The following FRMD6 variants were observed in gnomAD, a reference collection of about 807,000 sequenced individuals.
FRMD6 encodes FERM domain-containing protein 6.
In FRMD6, 37 loss-of-function variants were observed where a neutral mutation model predicts 73.2. That is an observed-to-expected ratio of 0.51 (90% CI 0.39 to 0.66). The LOEUF (loss-of-function observed/expected upper bound fraction) is 0.66. Among genes scored for constraint, FRMD6 ranks in the 30% least tolerant of loss-of-function variants. FRMD6 has a pLI of 0.00. For synonymous variants in FRMD6, 273 were observed against 282.2 expected (o/e 0.97, Z 0.33); for missense variants, 714 against 780.5 (o/e 0.91, Z 1.02).
the FRMD6 span, among the ~76,000 whole-genome samples, chr14:51,424,810 G>C: frequency 1.3e-5 from 2 of 152,184 alleles, no homozygotes; most frequent in Admixed American, 6.5e-5. Context: ...CTCCAAGAAG[G>C]GGAAAGAAGT....
At chr14:51,564,518 GC>G (rs984263848) in intron 1 of FRMD6, among the ~76,000 whole-genome samples, 1 of 152,176 alleles carries the variant, frequency 6.6e-6, no homozygotes, top group Non-Finnish European at 1.5e-5. Flanking sequence ...TTTTGAGCAG[GC>G]AGCTCCGGGG....
chr14:51,660,669 A>G (rs938097298), intron 1 of FRMD6, among the ~76,000 whole-genome samples: 5 of 151,808 alleles, frequency 3.3e-5, no homozygotes, highest in Non-Finnish European at 7.4e-5. Context: ...TTAGGAGGCA[A>G]TCAGCATAAG....
intron 10 of FRMD6, among the ~76,000 whole-genome samples, chr14:51,719,007 A>G (rs1226099177): frequency 1.3e-5 from 2 of 152,206 alleles, no homozygotes; most frequent in Non-Finnish European, 2.9e-5. Flanking sequence ...TTAGTCTACT[A>G]GTTTCTAAAA....
intron 1 of FRMD6, among the ~76,000 whole-genome samples, chr14:51,563,851 G>A (rs1887626339): frequency 6.6e-6 from 1 of 152,128 alleles, no homozygotes; most frequent in Non-Finnish European, 1.5e-5. Flanking sequence ...TGATAGTAAG[G>A]TTTCTAACTG....
chr14:51,515,412 A>G (rs1884570593), intron 1 of FRMD6, among the ~76,000 whole-genome samples: 1 of 152,162 alleles, frequency 6.6e-6, no homozygotes, highest in Non-Finnish European at 1.5e-5. Context: ...ACGTCAGTAT[A>G]TCTGCTGCTT....
the FRMD6 span, among the ~76,000 whole-genome samples, chr14:51,406,132 G>A: frequency 1.3e-5 from 2 of 151,784 alleles, no homozygotes; most frequent in African/African-American, 4.8e-5. Flanking sequence ...TTGTCAAAGA[G>A]ATGGTCATAG....
the FRMD6 span, among the ~76,000 whole-genome samples, chr14:51,412,710 G>T: frequency 6.6e-6 from 1 of 151,928 alleles, no homozygotes; most frequent in Non-Finnish European, 1.5e-5. Flanking sequence ...AAATTAGCCG[G>T]GTGTGGTGGT....
chr14:51,466,775 A>T, the FRMD6 span, among the ~76,000 whole-genome samples: 2 of 152,184 alleles, frequency 1.3e-5, no homozygotes, highest in South Asian at 4.1e-4. Flanking sequence ...CTATAAAACA[A>T]CTTGCTGGGA....
chr14:51,515,512 T>G (rs1055545004), intron 1 of FRMD6, among the ~76,000 whole-genome samples: 1 of 152,182 alleles, frequency 6.6e-6, no homozygotes, highest in African/African-American at 2.4e-5. Context: ...CATATGGAAC[T>G]ATCTGTGCTC....
At chr14:51,702,678 T>C (rs1896397973) in intron 5 of FRMD6, 90 bp downstream of exon 5, 9 of 1,039,712 alleles carry the variant, frequency 8.7e-6, no homozygotes, top group South Asian at 2.9e-5. Context: ...GTTTATTCTT[T>C]GTCTTCACCT....
At chr14:51,688,661 A>G (rs1223961234) in intron 1 of FRMD6, among the ~76,000 whole-genome samples, 1 of 152,228 alleles carries the variant, frequency 6.6e-6, no homozygotes, top group Non-Finnish European at 1.5e-5. Flanking sequence ...AAGGAATAAT[A>G]TAAATACTAA....
intron 2 of FRMD6, among the ~76,000 whole-genome samples, chr14:51,638,727 T>C (rs1891685008): frequency 6.6e-6 from 1 of 152,220 alleles, no homozygotes; most frequent in African/African-American, 2.4e-5. Context: ...TCTGAGAACT[T>C]TGATCATTCT....
At chr14:51,711,053 A>G (rs1364826772) in intron 7 of FRMD6, among the ~76,000 whole-genome samples, 1 of 152,218 alleles carries the variant, frequency 6.6e-6, no homozygotes, top group Non-Finnish European at 1.5e-5. Flanking sequence ...TTTTGGCTAC[A>G]GAGCTGGAAG....
chr14:51,698,162 G>A lies in FRMD6; in HGVS notation c.120G>A (p.Gln40=). 6.2e-7 allele frequency: 1 copy of A among 1,612,272 alleles called. No individual in the cohort carries two copies. Residue 40 remains glutamine (Q), a synonymous_variant, in exon 3 of 14, where the codon CAG becomes CAA. Transcript: ENST00000344768. ...TACAGGTTAAGATTCTGTGTCACCA[G>A]TTGCTGGTCCAGGTTTGTGACCTGC... is the stretch of plus-strand genomic sequence containing the variant. ...IIINVKILCH[Q]LLVQVCDLLR... is the part of the protein sequence containing the mutation.
At chr14:51,516,453 C>T (rs1281121154) in intron 1 of FRMD6, among the ~76,000 whole-genome samples, 2 of 152,112 alleles carry the variant, frequency 1.3e-5, no homozygotes, top group African/African-American at 4.8e-5. Context: ...AGAGAGAAGC[C>T]AACACAAACA....
chr14:51,710,464 C>T (rs900502847), intron 7 of FRMD6, among the ~76,000 whole-genome samples: 2 of 152,120 alleles, frequency 1.3e-5, no homozygotes, highest in Non-Finnish European at 2.9e-5. Context: ...ATCTGTACAT[C>T]CTTGAAAGCG....
At chr14:51,670,126 GAGTGC>G (rs1269417934) in intron 1 of FRMD6, among the ~76,000 whole-genome samples, 1 of 152,060 alleles carries the variant, frequency 6.6e-6, no homozygotes, top group Non-Finnish European at 1.5e-5. Context: ...GCCAAGACTA[GAGTGC>G]AGTGCATGAT....
intron 1 of FRMD6, among the ~76,000 whole-genome samples, chr14:51,497,634 T>A (rs1883381034): frequency 6.6e-6 from 1 of 152,234 alleles, no homozygotes; most frequent in Non-Finnish European, 1.5e-5. Context: ...TTAGATGCAG[T>A]GTATCTAAAA....
Position 51,701,141 on chromosome 14 carries a change from A to G in FRMD6, c.276A>G (p.Arg92=). 2 of 1,570,714 alleles carry G rather than the reference A, an allele frequency of 1.3e-6. No homozygotes were observed. Among genetic ancestry groups the G allele is most frequent in the Non-Finnish European group, 1.7e-6 (2 of 1,155,876 alleles). Residue 92 remains arginine (R), a synonymous_variant, in exon 4 of 14, where the codon CGA becomes CGG. Transcript: ENST00000344768. ...GGAAGAAAGAGGCCAGCAAGGTACGACAATACGAAGTCACTTGGGTGAGAT... is the reference window on the plus strand; with the variant it reads ...GGAAGAAAGAGGCCAGCAAGGTACGGCAATACGAAGTCACTTGGGTGAGAT... ...KEWKKEASKV[R]QYEVTWGIDQ...
Sources: allele counts gnomAD v4.1 joint callset (sites outside exome capture counted in the v4.1 genomes callset), GRCh38; gene constraint gnomAD v4.1.1; transcripts MANE v1.5; gene names NCBI Gene and HGNC (gene_info 2026-07-23, HGNC 2026-07-21).